The following CLEC16A variants were observed in gnomAD, a reference collection of about 807,000 sequenced individuals.
The protein encoded by CLEC16A is protein CLEC16A.
Under a neutral mutation model 109.5 loss-of-function variants are expected in CLEC16A, and 51 were observed. The observed-to-expected ratio is 0.47, with a 90% CI of 0.37 to 0.59. The LOEUF (loss-of-function observed/expected upper bound fraction) is 0.59. Ranked by LOEUF, CLEC16A falls within the 20% of genes least tolerant of loss-of-function variation. The pLI is 0.00. For synonymous variants in CLEC16A, 673 were observed against 564.2 expected (o/e 1.19, Z -2.73); for missense variants, 1,339 against 1,394.0 (o/e 0.96, Z 0.63).
chr16:11,029,281 C>A (rs1234044113), intron 13 of CLEC16A, among the ~76,000 whole-genome samples: 2 of 152,138 alleles, frequency 1.3e-5, no homozygotes, highest in Non-Finnish European at 1.5e-5. Context: ...AGTGTGAGCT[C>A]CAGGAATTGT....
intron 16 of CLEC16A, among the ~76,000 whole-genome samples, chr16:11,047,014 T>C (rs2047668983): frequency 6.8e-6 from 1 of 147,920 alleles, no homozygotes; most frequent in Non-Finnish European, 1.5e-5. Context: ...TCCTACATAG[T>C]AGTTTTTTTT....
intron 21 of CLEC16A, 36 bp downstream of exon 21, chr16:11,123,982 C>T (rs767066369): frequency 6.4e-6 from 10 of 1,556,164 alleles, no homozygotes; most frequent in Non-Finnish European, 7.8e-6. Context: ...ATCCTCTGAG[C>T]ACTTGGTGGG....
rs146778214 is a variant in CLEC16A, at chr16:11,113,082, G to C, written c.2117-7533G>C. 8.1e-3 allele frequency among the ~76,000 whole-genome samples: 1,232 copies of C among 152,354 alleles called. 20 individuals are homozygous for C. Among genetic ancestry groups the C allele is most frequent in the African/African-American group, 0.028 (1,172 of 41,584 alleles). On this transcript the variant is annotated intron_variant, in intron 19 of 23. Coordinates refer to ENST00000409790, the MANE Select transcript of CLEC16A (RefSeq NM_015226.3). Reference sequence around the variant, plus strand: ...CACCAGAGCTCTTGAACTCACAGGTGTGACTGTGAGAAGAACTCACACTTG... The same window carrying C: ...CACCAGAGCTCTTGAACTCACAGGTCTGACTGTGAGAAGAACTCACACTTG...
intron 18 of CLEC16A, among the ~76,000 whole-genome samples, chr16:11,057,222 T>C (rs1190266350): frequency 6.6e-6 from 1 of 152,270 alleles, no homozygotes; most frequent in Non-Finnish European, 1.5e-5. Context: ...TGACTGACTT[T>C]CACAGCTACA....
chr16:11,141,708 G>A (rs1344942196), intron 22 of CLEC16A, among the ~76,000 whole-genome samples: 1 of 152,260 alleles, frequency 6.6e-6, no homozygotes, highest in Non-Finnish European at 1.5e-5. Flanking sequence ...CTGGGTGAGG[G>A]ACGGTCTGGG....
At chr16:11,043,449 A>C (rs550238805) in intron 15 of CLEC16A, among the ~76,000 whole-genome samples, 9 of 152,100 alleles carry the variant, frequency 5.9e-5, no homozygotes, top group Non-Finnish European at 1.2e-4. Flanking sequence ...GCCATATTTT[A>C]TAACCCATTT....
intron 8 of CLEC16A, among the ~76,000 whole-genome samples, chr16:10,977,769 G>C (rs2146560663): frequency 6.6e-6 from 1 of 152,202 alleles, no homozygotes; most frequent in South Asian, 2.1e-4. Context: ...ACACCTGCCT[G>C]GGCCTTCCAA....
chr16:11,156,909 A>G (rs1160265799), intron 22 of CLEC16A, among the ~76,000 whole-genome samples: 1 of 139,094 alleles, frequency 7.2e-6, no homozygotes, highest in East Asian at 2.3e-4. Context: ...CACACAGCCC[A>G]AATGCCCGCC....
At chr16:11,091,393 G>A (rs1484365879) in intron 19 of CLEC16A, among the ~76,000 whole-genome samples, 1 of 152,222 alleles carries the variant, frequency 6.6e-6, no homozygotes, top group Non-Finnish European at 1.5e-5. Context: ...CGCCTGAGAG[G>A]CAGCAGGTAG....
intron 22 of CLEC16A, among the ~76,000 whole-genome samples, chr16:11,129,052 A>G (rs184787190): frequency 5.9e-5 from 9 of 152,296 alleles, no homozygotes; most frequent in African/African-American, 2.2e-4. Context: ...CTGGCCTCTC[A>G]GATGAAGTTC....
chr16:11,088,729 G>C (rs1340756133), intron 19 of CLEC16A, among the ~76,000 whole-genome samples: 1 of 152,192 alleles, frequency 6.6e-6, no homozygotes, highest in African/African-American at 2.4e-5. Flanking sequence ...CAAAACCTTA[G>C]CATTGGCTGG....
At chr16:11,078,847 C>T (rs753134442) in intron 19 of CLEC16A, among the ~76,000 whole-genome samples, 1 of 152,118 alleles carries the variant, frequency 6.6e-6, no homozygotes, top group Non-Finnish European at 1.5e-5. Flanking sequence ...TCTGGCAGCC[C>T]GAGAGGCCTG....
At chr16:11,065,577 G>A (rs2048716131) in intron 19 of CLEC16A, among the ~76,000 whole-genome samples, 2 of 152,212 alleles carry the variant, frequency 1.3e-5, no homozygotes, top group Admixed American at 1.3e-4. Context: ...TGTGGAGGGA[G>A]CAACCACTAA....
At chr16:11,056,331 G>A (rs1299490407) in intron 18 of CLEC16A, among the ~76,000 whole-genome samples, 2 of 152,210 alleles carry the variant, frequency 1.3e-5, no homozygotes, top group African/African-American at 2.4e-5. Context: ...GTGTGGCTGT[G>A]AAGTGACAAG....
At chr16:10,966,776 A>T (rs1054830391) in intron 3 of CLEC16A, among the ~76,000 whole-genome samples, 2 of 152,180 alleles carry the variant, frequency 1.3e-5, no homozygotes, top group African/African-American at 4.8e-5. Context: ...CGAGAACAGG[A>T]TGGGGGAAAC....
intron 19 of CLEC16A, among the ~76,000 whole-genome samples, chr16:11,097,579 A>T (rs896640798): frequency 1.3e-5 from 2 of 152,174 alleles, no homozygotes; most frequent in African/African-American, 4.8e-5. Context: ...GGGCTGTTCT[A>T]ATTAACTCCC....
chr16:11,130,758 A>G (rs1406484189), intron 22 of CLEC16A, among the ~76,000 whole-genome samples: 3 of 152,200 alleles, frequency 2.0e-5, no homozygotes, highest in African/African-American at 7.2e-5. Context: ...TTCTGCCTAG[A>G]TAATAATTCA....
chr16:10,989,394 T>G (rs554607451), intron 10 of CLEC16A, among the ~76,000 whole-genome samples: 5 of 149,858 alleles, frequency 3.3e-5, no homozygotes, highest in South Asian at 2.1e-4. Flanking sequence ...ATAACTTTTG[T>G]TTTTTTTTGT....
intron 10 of CLEC16A, among the ~76,000 whole-genome samples, chr16:10,993,647 C>T (rs1055928252): frequency 1.3e-5 from 2 of 152,132 alleles, no homozygotes; most frequent in African/African-American, 2.4e-5. Flanking sequence ...TTCTGAGTAA[C>T]AGAATAACCA....
Sources: allele counts gnomAD v4.1 joint callset (sites outside exome capture counted in the v4.1 genomes callset), GRCh38; gene constraint gnomAD v4.1.1; transcripts MANE v1.5; gene names NCBI Gene and HGNC (gene_info 2026-07-23, HGNC 2026-07-21).